Variants in GNPAT observed in about 807,000 individuals in gnomAD.
GNPAT encodes the protein dihydroxyacetone phosphate acyltransferase.
Under a neutral mutation model 78.4 loss-of-function variants are expected in GNPAT, and 30 were observed. That is an observed-to-expected ratio of 0.38 (90% CI 0.29 to 0.52). The LOEUF (loss-of-function observed/expected upper bound fraction) is 0.52. Among genes scored for constraint, GNPAT ranks in the 20% least tolerant of loss-of-function variants. GNPAT has a pLI of 0.84. For synonymous variants in GNPAT, 271 were observed against 281.1 expected (o/e 0.96, Z 0.36); for missense variants, 714 against 812.2 (o/e 0.88, Z 1.47).
intron 14 of GNPAT, among the ~76,000 whole-genome samples, chr1:231,275,703 AAAGG>A (rs1231976274): frequency 1.3e-5 from 2 of 152,234 alleles, no homozygotes; most frequent in Non-Finnish European, 2.9e-5. Context: ...TGAAGCAAAG[AAAGG>A]AAGAAATAAC....
chr1:231,241,606 A>C, intron 1 of GNPAT, 150 bp downstream of exon 1: 2 of 714,170 alleles, frequency 2.8e-6, no homozygotes, highest in Non-Finnish European at 5.1e-6. Flanking sequence ...ATTGGTTTCC[A>C]GGACAACAGT....
intron 8 of GNPAT, among the ~76,000 whole-genome samples, chr1:231,267,426 G>A (rs1239070610): frequency 2.6e-5 from 4 of 152,270 alleles, no homozygotes. Context: ...AGCAACAAAA[G>A]TTTTTTGCCT....
At position 231,267,853 on chromosome 1, in the gene GNPAT, T is replaced by C. The variant is rs1481887774; in HGVS notation, c.1229T>C (p.Leu410Ser). ...MDFDALVEKT[L>S]WLKGLTQAFG... ...TTTGATGCTCTGGTGGAAAAGACTT[T>C]ATGGCTAAAAGGCTTAACCCAGGCA... The change falls in exon 9 of 16, where the codon TTA becomes TCA. Residue 410 changes from leucine to serine, a missense_variant. Transcript: ENST00000366647. 6.2e-7 allele frequency: 1 copy of C among 1,614,010 alleles called. No individual in the cohort carries two copies. Among genetic ancestry groups the C allele is most frequent in the Non-Finnish European group, 8.5e-7 (1 of 1,179,834 alleles).
chr1:231,242,734 G>A (rs1334876349), intron 1 of GNPAT, among the ~76,000 whole-genome samples: 1 of 152,218 alleles, frequency 6.6e-6, no homozygotes, highest in Non-Finnish European at 1.5e-5. Context: ...GTACATTAAA[G>A]GAAGGAGTTG....
At chr1:231,277,440 G>A (rs1186255616) in intron 15 of GNPAT, 59 bp from the exon 16 acceptor site, 7 of 1,007,666 alleles carry the variant, frequency 6.9e-6, no homozygotes, top group African/African-American at 3.2e-5. Flanking sequence ...AGGAACAGCT[G>A]TATGAGGAAG....
chr1:231,250,694 C>T (rs1010498499), intron 1 of GNPAT, among the ~76,000 whole-genome samples: 4 of 152,116 alleles, frequency 2.6e-5, no homozygotes, highest in African/African-American at 9.7e-5. Flanking sequence ...TCTTTGCTGT[C>T]TTCATTAAAT....
chr1:231,272,126 A>G (rs1429305086), intron 10 of GNPAT, among the ~76,000 whole-genome samples, 186 bp from the exon 11 acceptor site: 2 of 152,082 alleles, frequency 1.3e-5, no homozygotes, highest in African/African-American at 4.8e-5. Context: ...ACTATGCTAG[A>G]CCGTAGTTTG....
chr1:231,256,446 T>C (rs1459996858), intron 2 of GNPAT, among the ~76,000 whole-genome samples: 1 of 149,480 alleles, frequency 6.7e-6, no homozygotes, highest in Non-Finnish European at 1.5e-5. Context: ...TTTTCTTTCA[T>C]ACGCTGTCAG....
Position 231,277,241 on chromosome 1 carries a change from A to G in GNPAT, c.2000-258A>G, listed in dbSNP as rs187464912. Among the ~76,000 whole-genome samples, 422 of 152,354 alleles carry G rather than the reference A, an allele frequency of 2.8e-3. 1 individual carries two copies. The highest frequency in any genetic ancestry group is 9.6e-3 in the African/African-American group (400 of 41,586). ...AAGCAGATGTGATGTGAGCGTGAACATACTGGACTGGAGTTCAGAAAACAT... is the reference window on the plus strand; with the variant it reads ...AAGCAGATGTGATGTGAGCGTGAACGTACTGGACTGGAGTTCAGAAAACAT... On this transcript the variant is annotated intron_variant, in intron 15 of 15. Coordinates refer to ENST00000366647, the MANE Select transcript of GNPAT (RefSeq NM_014236.4).
At chr1:231,252,279 T>C (rs908501416) in intron 2 of GNPAT, among the ~76,000 whole-genome samples, 10 of 152,066 alleles carry the variant, frequency 6.6e-5, no homozygotes, top group African/African-American at 2.4e-4. Flanking sequence ...TTATGACCAG[T>C]TGGGTGTAGG....
chr1:231,249,639 A>G (rs995099977), intron 1 of GNPAT, among the ~76,000 whole-genome samples: 1 of 152,218 alleles, frequency 6.6e-6, no homozygotes, highest in African/African-American at 2.4e-5. Context: ...TTAGTGGGAA[A>G]AGAAGTGACA....
chr1:231,241,519 G>C (rs902382155), intron 1 of GNPAT, 63 bp downstream of exon 1: 12 of 1,195,054 alleles, frequency 1.0e-5, no homozygotes, highest in Non-Finnish European at 1.5e-5. Context: ...CTTTCTCCCA[G>C]TCCCTATTCC....
chr1:231,253,985 G>A (rs1466424020), intron 2 of GNPAT, among the ~76,000 whole-genome samples: 2 of 152,114 alleles, frequency 1.3e-5, no homozygotes, highest in Admixed American at 6.5e-5. Context: ...GCTAATTTTT[G>A]TATTTTTAGT....
rs769255745 is a variant in GNPAT, at chr1:231,275,354, T to C, written c.1843+34T>C. 4 of 1,561,336 alleles carry C rather than the reference T, an allele frequency of 2.6e-6. No homozygotes were observed. The African/African-American group carries it at 4.1e-5, about 16-fold the overall frequency. On this transcript the variant is annotated intron_variant, in intron 13 of 15. Coordinates refer to ENST00000366647, the MANE Select transcript of GNPAT (RefSeq NM_014236.4). The stretch of plus-strand genomic sequence containing the variant: ...CTGCTCTGTGGGTGCTGATTTCTTT[T>C]AGTTGAGAATAGAAACTGGTCAACT...
At chr1:231,272,239 G>T (rs1418678804) in intron 10 of GNPAT, 73 bp from the exon 11 acceptor site, 1 of 791,260 alleles carries the variant, frequency 1.3e-6, no homozygotes, top group African/African-American at 1.7e-5. Flanking sequence ...TTTTGTGATA[G>T]TAAGGACTTC....
chr1:231,254,162 A>T (rs1431519159), intron 2 of GNPAT, among the ~76,000 whole-genome samples: 1 of 152,172 alleles, frequency 6.6e-6, no homozygotes, highest in Non-Finnish European at 1.5e-5. Flanking sequence ...CACCCAGGTT[A>T]AGTGTTACCA....
rs1685195471 is a variant in GNPAT, at chr1:231,260,580, A to T, written c.335A>T (p.His112Leu). The T allele has an allele frequency of 7.4e-6, 12 of 1,611,838 alleles. No homozygotes were observed. Among genetic ancestry groups the T allele is most frequent in the Non-Finnish European group, 9.3e-6 (11 of 1,178,046 alleles). Residue 112 changes from histidine to leucine, a missense_variant, in exon 3 of 16, where the codon CAC (histidine) becomes CTC (leucine). Transcript: ENST00000366647. ...AGTGAGATCTTAGATGAAATGAGTC[A>T]CAAACTGCGTCTTGGAGCCATTCGG... is the stretch of plus-strand genomic sequence containing the variant. ...EVSEILDEMSHKLRLGAIRFC... is the reference protein window; with the variant it reads ...EVSEILDEMSLKLRLGAIRFC...
chr1:231,245,493 C>T (rs1558323081), intron 1 of GNPAT, among the ~76,000 whole-genome samples: 2 of 152,116 alleles, frequency 1.3e-5, no homozygotes, highest in African/African-American at 4.8e-5. Flanking sequence ...ACGATTGATC[C>T]TCTTGCCTTG....
chr1:231,265,726 T>C lies in GNPAT; in HGVS notation c.711T>C (p.Pro237=), dbSNP rs1271420370. ...VKTMLRNGYA[P]VEFFLEGTRS... ...TCTCTTTAAAGAATGGTTATGCTCC[T>C]GTTGAATTTTTCCTCGAAGGGACAA... Residue 237 remains proline (P), a synonymous_variant, in exon 6 of 16, where the codon CCT becomes CCC. Transcript: ENST00000366647. 1 of 1,595,398 alleles carries C rather than the reference T, an allele frequency of 6.3e-7. No individual in the cohort carries two copies. Among genetic ancestry groups the C allele is most frequent in the Non-Finnish European group, 8.6e-7 (1 of 1,162,808 alleles).
Sources: gnomAD v4.1 joint callset for allele counts (sites outside exome capture counted in the v4.1 genomes callset) on GRCh38, gnomAD v4.1.1 for gene constraint, MANE v1.5 for transcripts, NCBI Gene and HGNC (gene_info 2026-07-23, HGNC 2026-07-21) for gene names.